The following B3GALT1 variants were observed in gnomAD, a reference collection of about 807,000 sequenced individuals.
B3GALT1 encodes beta-1,3-galactosyltransferase 1, also known as UDP-Gal:betaGlcNAc beta 1,3-galactosyltransferase, polypeptide 1.
A neutral mutation model predicts 23.2 loss-of-function variants in B3GALT1; 10 were observed. That is an observed-to-expected ratio of 0.43 (90% CI 0.27 to 0.73). The LOEUF (loss-of-function observed/expected upper bound fraction) is 0.73, where lower values mean the gene tolerates loss of function less well. B3GALT1 is among the 30% of genes least tolerant of loss of function. The probability of loss-of-function intolerance (pLI) is 0.21; values close to 1 mark genes in which losing one functional copy is unlikely to be tolerated. For missense variants in B3GALT1, 299 were observed against 405.4 expected (o/e 0.74, Z 2.25); for synonymous variants, 156 against 141.5 (o/e 1.10, Z -0.73).
chr2:167,407,205 A>G (rs918282971), intron 1 of B3GALT1, among the ~76,000 whole-genome samples: 1 of 152,210 alleles, frequency 6.6e-6, no homozygotes, highest in Non-Finnish European at 1.5e-5. Context: ...GAAAATACAC[A>G]AACACATGGA....
chr2:167,624,240 A>G (rs1685305435), intron 2 of B3GALT1, among the ~76,000 whole-genome samples: 1 of 152,058 alleles, frequency 6.6e-6, no homozygotes, highest in South Asian at 2.1e-4. Context: ...TCTTTCTCTC[A>G]GGTTTTCTGG....
chr2:167,615,676 A>G (rs1475465383), intron 2 of B3GALT1, among the ~76,000 whole-genome samples: 1 of 152,108 alleles, frequency 6.6e-6, no homozygotes, highest in Non-Finnish European at 1.5e-5. Context: ...TGAAAAGCAA[A>G]CAATGTTAAG....
chr2:167,349,689 T>C (rs1308077546), intron 1 of B3GALT1, among the ~76,000 whole-genome samples: 1 of 152,168 alleles, frequency 6.6e-6, no homozygotes, highest in Admixed American at 6.5e-5. Flanking sequence ...AATTTGTCGG[T>C]GGAAGACATG....
chr2:167,782,242 A>G (rs1688258490), intron 3 of B3GALT1, among the ~76,000 whole-genome samples: 1 of 152,230 alleles, frequency 6.6e-6, no homozygotes, highest in Non-Finnish European at 1.5e-5. Flanking sequence ...CCCACAGAGC[A>G]GGTGAATGAA....
chr2:167,419,420 C>T (rs1698515873), intron 1 of B3GALT1, among the ~76,000 whole-genome samples: 1 of 152,120 alleles, frequency 6.6e-6, no homozygotes, highest in Non-Finnish European at 1.5e-5. Flanking sequence ...GTATTAGATG[C>T]CTTCTATTTG....
chr2:167,395,037 T>C (rs1698073758), intron 1 of B3GALT1, among the ~76,000 whole-genome samples: 1 of 152,184 alleles, frequency 6.6e-6, no homozygotes, highest in Non-Finnish European at 1.5e-5. Flanking sequence ...TTATATGATT[T>C]AGATGACATT....
At chr2:167,611,931 T>C (rs1005915301) in intron 2 of B3GALT1, among the ~76,000 whole-genome samples, 19 of 152,052 alleles carry the variant, frequency 1.2e-4, no homozygotes, top group African/African-American at 4.1e-4. Context: ...ATATTTATTC[T>C]CCTATGGAAA....
At chr2:167,821,221 T>TAATA in intron 4 of B3GALT1, among the ~76,000 whole-genome samples, 1 of 152,248 alleles carries the variant, frequency 6.6e-6, no homozygotes, top group South Asian at 2.1e-4. Flanking sequence ...TATCAATTTC[T>TAATA]AATATTCTGG....
chr2:167,637,331 T>G (rs1200653744), intron 2 of B3GALT1, among the ~76,000 whole-genome samples: 3 of 152,016 alleles, frequency 2.0e-5, no homozygotes, highest in Non-Finnish European at 2.9e-5. Flanking sequence ...ACCGTTATAC[T>G]AATGCCCAGA....
At chr2:167,633,116 G>C (rs1464023005) in intron 2 of B3GALT1, among the ~76,000 whole-genome samples, 1 of 151,890 alleles carries the variant, frequency 6.6e-6, no homozygotes, top group Non-Finnish European at 1.5e-5. Context: ...ACAGTGTTCA[G>C]GATATTATCC....
intron 2 of B3GALT1, among the ~76,000 whole-genome samples, chr2:167,577,638 T>C (rs1684408749): frequency 6.6e-6 from 1 of 151,854 alleles, no homozygotes; most frequent in African/African-American, 2.4e-5. Context: ...TTTTCCTGAC[T>C]CACTGTACTT....
chr2:167,463,338 T>G (rs1022942567), intron 1 of B3GALT1, among the ~76,000 whole-genome samples: 1 of 152,150 alleles, frequency 6.6e-6, no homozygotes, highest in African/African-American at 2.4e-5. Context: ...AAGTGTAAGG[T>G]TCTCCACGTG....
chr2:167,686,276 A>G (rs1293827366), intron 3 of B3GALT1, among the ~76,000 whole-genome samples: 2 of 152,218 alleles, frequency 1.3e-5, no homozygotes, highest in African/African-American at 4.8e-5. Context: ...ACAGTTATAT[A>G]CTAGGTTACA....
intron 1 of B3GALT1, among the ~76,000 whole-genome samples, chr2:167,474,366 C>T (rs1699463047): frequency 6.6e-6 from 1 of 152,042 alleles, no homozygotes; most frequent in African/African-American, 2.4e-5. Context: ...CTATCCTTTC[C>T]CTTGTGTTTT....
intron 1 of B3GALT1, among the ~76,000 whole-genome samples, chr2:167,416,467 G>T (rs184597110): frequency 5.6e-4 from 85 of 152,364 alleles, no homozygotes; most frequent in African/African-American, 2.0e-3. Context: ...GCTGCAGAAA[G>T]CCTGGGGGCT....
intron 3 of B3GALT1, among the ~76,000 whole-genome samples, chr2:167,803,081 A>ACAC (rs1553489029): frequency 1.4e-5 from 2 of 141,482 alleles, no homozygotes; most frequent in East Asian, 4.3e-4. Flanking sequence ...GACCCTAACA[A>ACAC]ACACACACAC....
intron 2 of B3GALT1, among the ~76,000 whole-genome samples, chr2:167,613,381 T>A (rs1298622656): frequency 1.3e-5 from 2 of 151,506 alleles, no homozygotes; most frequent in Non-Finnish European, 3.0e-5. Flanking sequence ...TTTTATGGCA[T>A]TGAAAGCTAT....
At chr2:167,866,846 GTT>G (rs1373839932) in intron 4 of B3GALT1, among the ~76,000 whole-genome samples, 1 of 152,182 alleles carries the variant, frequency 6.6e-6, no homozygotes. Flanking sequence ...GGCAGAGAAA[GTT>G]TGCTTTCTAG....
chr2:167,447,210 C>T (rs558124768), intron 1 of B3GALT1, among the ~76,000 whole-genome samples: 12 of 152,294 alleles, frequency 7.9e-5, no homozygotes, highest in East Asian at 3.9e-4. Context: ...GCTGCCTGAT[C>T]GTTCCTCTGG....
Sources: gnomAD v4.1 joint callset for allele counts (sites outside exome capture counted in the v4.1 genomes callset) on GRCh38, gnomAD v4.1.1 for gene constraint, MANE v1.5 for transcripts, NCBI Gene and HGNC (gene_info 2026-07-23, HGNC 2026-07-21) for gene names.